Variants in NAV1 observed in about 807,000 individuals in gnomAD.
NAV1 encodes the protein neuron navigator 1, also known as pore membrane and/or filament interacting like protein 3.
In NAV1, 18 loss-of-function variants were observed where a neutral mutation model predicts 175.2. The ratio of observed to expected loss-of-function variants is 0.10; its 90% CI spans 0.07 to 0.15. NAV1 has a LOEUF of 0.15. Among genes scored for constraint, NAV1 ranks in the 10% least tolerant of loss-of-function variants. The probability of loss-of-function intolerance (pLI) is 1.00; values close to 1 mark genes in which losing one functional copy is unlikely to be tolerated. For missense variants in NAV1, 1,731 were observed against 2,436.6 expected (o/e 0.71, Z 6.10); for synonymous variants, 897 against 978.7 (o/e 0.92, Z 1.56).
chr1:201,787,869 T>A lies in NAV1; in HGVS notation c.2996-599T>A. ...TTCACCTGCTCTGTCCATCTGACCTTCAAGCCGGGGCAATGCTAGGCAAAG... is the reference window on the plus strand; with the variant it reads ...TTCACCTGCTCTGTCCATCTGACCTACAAGCCGGGGCAATGCTAGGCAAAG... On this transcript the variant is annotated intron_variant, in intron 9 of 29. Transcript: ENST00000367296. This position sits in a 1 kb window ranked among gnomAD's most constrained non-coding sequence, Gnocchi z 4.3. 2.8e-6 allele frequency: 1 copy of A among 359,158 alleles called. No homozygotes were observed. The highest frequency in any genetic ancestry group is 5.5e-6 in the Non-Finnish European group (1 of 180,564). 22.2% of individuals were successfully genotyped at this position (359,158 alleles called of 1,614,324 possible).
At position 201,788,627 on chromosome 1, in the gene NAV1, C is replaced by G. The variant is rs780688354; in HGVS notation, c.3155C>G (p.Pro1052Arg). The G allele has an allele frequency of 6.2e-7, 1 of 1,611,936 alleles. No individual in the cohort carries two copies. The highest frequency in any genetic ancestry group is 8.5e-7 in the Non-Finnish European group (1 of 1,178,690). Reference sequence around the variant, plus strand: ...ATTCGGTCAGGATCCTTCCGAGACCCCACGGACGATGGTGAGACTTCATGC... The same window carrying G: ...ATTCGGTCAGGATCCTTCCGAGACCGCACGGACGATGGTGAGACTTCATGC... The change falls in exon 10 of 30, where the codon CCC (proline) becomes CGC (arginine). Residue 1052 changes from proline to arginine, a missense_variant. Around this residue, in one of 13 missense-constraint regions of NAV1, gnomAD observed 85 missense variants for 168.7 expected, o/e 0.50. Coordinates refer to ENST00000367296, the Ensembl canonical transcript of NAV1. This position sits in a 1 kb window ranked among gnomAD's most constrained non-coding sequence, Gnocchi z 5.7.
At chr1:201,583,498 G>T (rs935222762) in intron 1 of NAV1, among the ~76,000 whole-genome samples, 3 of 152,254 alleles carry the variant, frequency 2.0e-5, no homozygotes, top group Admixed American at 2.0e-4. Context: ...CTCCTTCCCT[G>T]CTGGAGATAG....
intron 1 of NAV1, among the ~76,000 whole-genome samples, chr1:201,555,309 A>AT (rs1665979898): frequency 6.6e-6 from 1 of 152,130 alleles, no homozygotes; most frequent in African/African-American, 2.4e-5. Flanking sequence ...ATCAGGGGAG[A>AT]TTTTGGCCAG....
rs560108600 is a variant in NAV1 at position 201,783,228 on chromosome 1, A to G, written c.2358-178A>G. On this transcript the variant is annotated intron_variant, in intron 6 of 29. Coordinates refer to ENST00000367296, the Ensembl canonical transcript of NAV1. ...TATGCTGGCCCCTTATCTAAGCTGA[A>G]TGTGCCCCAAGTTGGGTATCAGATT... Among the ~76,000 whole-genome samples, 4 of 152,296 alleles carry G rather than the reference A, an allele frequency of 2.6e-5. No individual in the cohort carries two copies. The South Asian group carries it at 6.2e-4, about 24-fold the overall frequency.
At position 201,750,617 on chromosome 1, in the gene NAV1, A is replaced by AT. The variant is rs1385983822; in HGVS notation, c.1227-29799dup. 6.6e-6 allele frequency among the ~76,000 whole-genome samples: 1 copy of AT among 152,124 alleles called. No individual in the cohort carries two copies. Among genetic ancestry groups the AT allele is most frequent in the Non-Finnish European group, 1.5e-5 (1 of 68,014 alleles). On this transcript the variant is annotated intron_variant, in intron 3 of 29. Transcript: ENST00000367296. This position sits in a 1 kb window ranked among gnomAD's most constrained non-coding sequence, Gnocchi z 4.1. The stretch of plus-strand genomic sequence containing the variant: ...TCTCCCCAAGTCAGACAGAGGACAT[A>AT]TTTTTAGTGCTCAAGTCATAGCTTG...
intron 3 of NAV1, among the ~76,000 whole-genome samples, chr1:201,762,789 CTA>C (rs1674947748): frequency 6.6e-6 from 1 of 152,230 alleles, no homozygotes; most frequent in Admixed American, 6.5e-5. Context: ...AATGCAGACA[CTA>C]TTCTACATTT....
At position 201,751,622 on chromosome 1, in the gene NAV1, A is replaced by T. The variant is rs1454185419; in HGVS notation, c.1227-28799A>T. On this transcript the variant is annotated intron_variant, in intron 3 of 29. Coordinates refer to ENST00000367296, the Ensembl canonical transcript of NAV1. ...TGTCAGGTATTAATATTTGCAAAGCACTATAGATACTTCAATACCTGATTC... is the reference window on the plus strand; with the variant it reads ...TGTCAGGTATTAATATTTGCAAAGCTCTATAGATACTTCAATACCTGATTC... 5.9e-5 allele frequency among the ~76,000 whole-genome samples: 9 copies of T among 152,244 alleles called. No individual in the cohort carries two copies. In the South Asian group the frequency reaches 1.2e-3, roughly 21 times the overall value.
chr1:201,661,547 G>A (rs1669615213), intron 1 of NAV1, among the ~76,000 whole-genome samples: 1 of 152,166 alleles, frequency 6.6e-6, no homozygotes, highest in Non-Finnish European at 1.5e-5. Context: ...CTTTTTGACT[G>A]GGAATGCTGG....
chr1:201,764,319 C>T (rs1266446701), intron 3 of NAV1, among the ~76,000 whole-genome samples: 2 of 152,136 alleles, frequency 1.3e-5, no homozygotes, highest in East Asian at 1.9e-4. Flanking sequence ...CTCACAGTTC[C>T]GAAGCCCAGC....
At chr1:201,558,340 A>G (rs969557446) in intron 1 of NAV1, among the ~76,000 whole-genome samples, 2 of 152,212 alleles carry the variant, frequency 1.3e-5, no homozygotes, top group African/African-American at 4.8e-5. Context: ...GGGGAAATGA[A>G]TGAGCCCAGT....
intron 1 of NAV1, among the ~76,000 whole-genome samples, chr1:201,653,313 AG>A (rs1426159232): frequency 1.2e-4 from 18 of 152,204 alleles, no homozygotes; most frequent in Admixed American, 4.6e-4. Flanking sequence ...AGACTGCCCA[AG>A]GTCAGGGAGT....
chr1:201,623,868 C>T (rs954289108), intron 1 of NAV1, among the ~76,000 whole-genome samples: 1 of 152,166 alleles, frequency 6.6e-6, no homozygotes, highest in African/African-American at 2.4e-5. Flanking sequence ...AAAAGAGTCT[C>T]ATAAGGAGGG....
chr1:201,743,577 G>T (rs61821716), intron 3 of NAV1, among the ~76,000 whole-genome samples: 15,863 of 152,234 alleles, frequency 0.1, 841 homozygotes, highest in Middle Eastern at 0.21. Context: ...AAACATGTGG[G>T]CTTTGATAAG....
chr1:201,621,161 C>G (rs1668156834), upstream of NAV1, among the ~76,000 whole-genome samples: 1 of 152,030 alleles, frequency 6.6e-6, no homozygotes, highest in South Asian at 2.1e-4. Flanking sequence ...CTCAAGGGAT[C>G]CTCCCCGCTC....
intron 1 of NAV1, among the ~76,000 whole-genome samples, chr1:201,582,724 A>T (rs1666902850): frequency 6.6e-6 from 1 of 152,244 alleles, no homozygotes. Context: ...GGCTTACGTG[A>T]GGAAGCCTGT....
intron 1 of NAV1, among the ~76,000 whole-genome samples, chr1:201,563,710 G>A (rs2102466841): frequency 6.6e-6 from 1 of 152,292 alleles, no homozygotes. Flanking sequence ...GAGGTAACAT[G>A]TGAAAGACCT....
upstream of NAV1, among the ~76,000 whole-genome samples, chr1:201,647,374 G>T (rs1274480860): frequency 6.6e-6 from 1 of 152,180 alleles, no homozygotes; most frequent in African/African-American, 2.4e-5. Context: ...ACTCTGGCAG[G>T]CAAGGGACCC....
intron 2 of NAV1, among the ~76,000 whole-genome samples, chr1:201,607,870 T>TTTTGTGTGTGTGTGTGTG (rs565100210): frequency 7.2e-6 from 1 of 138,192 alleles, no homozygotes; most frequent in African/African-American, 2.7e-5. Context: ...GATAACTTTA[T>TTTTGTGTGTGTGTGTGTG]TGTGTGTGTG....
At chr1:201,780,333 C>G in intron 3 of NAV1, 88 bp from the exon 8 acceptor site, 1 of 1,521,850 alleles carries the variant, frequency 6.6e-7, no homozygotes, top group Non-Finnish European at 9.0e-7. Flanking sequence ...TATACTGGTG[C>G]AGAGCCATTC....
Sources: gnomAD v4.1 joint callset for allele counts (sites outside exome capture counted in the v4.1 genomes callset) on GRCh38, gnomAD v4.1.1 for gene constraint, gnomAD v4.1.1 regional missense constraint, Gnocchi (gnomAD v3.1) non-coding constraint, MANE v1.5 for transcripts, NCBI Gene and HGNC (gene_info 2026-07-23, HGNC 2026-07-21) for gene names.